SNRPA1: variants seen among roughly 807,000 people sequenced by gnomAD.
SNRPA1 encodes the protein U2 small nuclear ribonucleoprotein A'.
A neutral mutation model predicts 32.3 loss-of-function variants in SNRPA1; 5 were observed. The observed-to-expected ratio is 0.15, with a 90% confidence interval of 0.08 to 0.33. SNRPA1 has a LOEUF of 0.33. Among genes scored for constraint, SNRPA1 ranks in the 10% least tolerant of loss-of-function variants. The pLI is 1.00. For synonymous variants in SNRPA1, 111 were observed against 120.1 expected, an observed-to-expected ratio of 0.92 and a Z score of 0.50; for missense variants, 198 against 311.1, an observed-to-expected ratio of 0.64 and a Z score of 2.74.
intron 8 of SNRPA1, among the ~76,000 whole-genome samples, chr15:101,282,316 T>C (rs916679334): frequency 1.3e-5 from 2 of 152,254 alleles, no homozygotes; most frequent in African/African-American, 2.4e-5. Flanking sequence ...TGGGAAACAA[T>C]TGTTATTGTT....
intron 8 of SNRPA1, 69 bp from the exon 9 acceptor site, chr15:101,281,851 T>G: frequency 6.9e-7 from 1 of 1,451,882 alleles, no homozygotes; most frequent in Non-Finnish European, 9.7e-7. Flanking sequence ...ATGCAAGTGT[T>G]TGTTCTGTGG....
chr15:101,288,532 G>C (rs1353933867), intron 3 of SNRPA1: 1 of 152,348 alleles, frequency 6.6e-6, no homozygotes, highest in East Asian at 1.9e-4. Flanking sequence ...ACAGGCGTGA[G>C]CCACCACGCC....
rs1483894056 is a variant in SNRPA1 at position 101,286,202 on chromosome 15, T to C, written c.539+12A>G. On this transcript the variant is annotated intron_variant, in intron 6 of 8. Transcript: ENST00000254193. ...AGGTGAAGTAGAGTTAAGTTGGATATCCGTGTCTTACGTTTTGCTTCTCCT... is the reference window on the plus strand; with the variant it reads ...AGGTGAAGTAGAGTTAAGTTGGATACCCGTGTCTTACGTTTTGCTTCTCCT... 19 of 1,610,180 alleles carry C rather than the reference T, an allele frequency of 1.2e-5. No homozygotes were observed. The highest frequency in any genetic ancestry group is 1.5e-5 in the Non-Finnish European group (18 of 1,176,516).
chr15:101,281,562 T>G lies in SNRPA1; in HGVS notation c.*162A>C. The G allele has an allele frequency of 1.7e-6, 1 of 591,626 alleles. No individual in the cohort carries two copies. The highest frequency in any genetic ancestry group is 3.1e-6 in the Non-Finnish European group (1 of 325,840). The allele number at this position is 591,626 out of a possible 1,614,324, so 36.6% of individuals were successfully genotyped here. A position where few individuals can be genotyped will look rare whatever the true frequency, so the allele number is the denominator to read the frequency against. On this transcript the variant is annotated 3_prime_UTR_variant, in exon 9 of 9. Transcript: ENST00000254193. Reference sequence around the variant, plus strand: ...TTTATAATTTGTAGAAAATTGACATTTAGATTTCAAAACTTATATTACAAA... The same window carrying G: ...TTTATAATTTGTAGAAAATTGACATGTAGATTTCAAAACTTATATTACAAA...
intron 8 of SNRPA1, 125 bp from the exon 9 acceptor site, chr15:101,281,907 A>G: frequency 1.1e-6 from 1 of 870,250 alleles, no homozygotes; most frequent in Non-Finnish European, 1.9e-6. Flanking sequence ...GATCAAAAGC[A>G]GCACCTGCCT....
chr15:101,285,174 C>A, intron 7 of SNRPA1, 114 bp from the exon 8 acceptor site: 1 of 703,976 alleles, frequency 1.4e-6, no homozygotes, highest in Non-Finnish European at 2.5e-6. Context: ...CCATCAGGAA[C>A]ATTAAATACT....
intron 3 of SNRPA1, 196 bp from the exon 4 acceptor site, chr15:101,287,898 C>T (rs2039473698): frequency 5.5e-6 from 3 of 543,854 alleles, no homozygotes; most frequent in Non-Finnish European, 1.0e-5. Context: ...TTCTTAAAAT[C>T]TTGGCATTAA....
chr15:101,285,376 C>T (rs111561220), intron 7 of SNRPA1, among the ~76,000 whole-genome samples: 4 of 152,250 alleles, frequency 2.6e-5, no homozygotes, highest in African/African-American at 4.8e-5. Flanking sequence ...TATTATAAAA[C>T]GAGGGTCCCT....
At chr15:101,291,852 C>A (rs1046812151) in intron 3 of SNRPA1, 110 bp downstream of exon 3, 2 of 647,022 alleles carry the variant, frequency 3.1e-6, no homozygotes, top group African/African-American at 1.9e-5. Flanking sequence ...AAGAAAAAGA[C>A]AAGAAAGAGG....
At chr15:101,284,929 A>C (rs2039438283) in intron 8 of SNRPA1, 38 bp downstream of exon 8, 1 of 1,474,932 alleles carries the variant, frequency 6.8e-7, no homozygotes. Flanking sequence ...TCTGAGTGTA[A>C]CATTAATTTG....
rs373775918 is a variant in SNRPA1 at position 101,281,686 on chromosome 15, T to C, written c.*38A>G. 2.7e-6 allele frequency: 4 copies of C among 1,495,742 alleles called. No homozygotes were observed. The highest frequency in any genetic ancestry group is 2.7e-5 in the African/African-American group (2 of 72,738). The allele number at this position is 1,495,742 out of a possible 1,614,324, so 92.7% of individuals were successfully genotyped here. On this transcript the variant is annotated 3_prime_UTR_variant, in exon 9 of 9. Transcript: ENST00000254193. ...TACCATGTTCGAAAAGCAAGACTTG[T>C]TCCAAGAGGGCCTATTATTATACAT...
chr15:101,286,116 CAG>C (rs2039451828), intron 6 of SNRPA1, 96 bp downstream of exon 6: 1 of 956,632 alleles, frequency 1.0e-6, no homozygotes, highest in African/African-American at 1.6e-5. Flanking sequence ...ATTAATATGT[CAG>C]AGTTTTTGGT....
chr15:101,284,035 C>A (rs191220950), intron 8 of SNRPA1, among the ~76,000 whole-genome samples: 4 of 152,344 alleles, frequency 2.6e-5, no homozygotes, highest in Admixed American at 2.6e-4. Context: ...AGTGGCTGTC[C>A]CCAGTTACAT....
chr15:101,286,185 TAG>T (rs781445830), intron 6 of SNRPA1, 27 bp downstream of exon 6: 3 of 1,576,610 alleles, frequency 1.9e-6, no homozygotes, highest in African/African-American at 2.7e-5. Flanking sequence ...GAAGGTGAAG[TAG>T]AGTTAAGTTG....
In SNRPA1 at chr15:101,295,151, C is replaced by T. The variant is rs1390475867; in HGVS notation, c.28G>A (p.Glu10Lys). 2 of 1,558,234 alleles carry T rather than the reference C, an allele frequency of 1.3e-6. No individual in the cohort carries two copies. The highest frequency in any genetic ancestry group is 1.7e-6 in the Non-Finnish European group (2 of 1,156,610). The change falls in exon 1 of 9, where the codon GAG (glutamate) becomes AAG (lysine). Residue 10 changes from glutamate to lysine, a missense_variant. Glu to Lys is a moderately conservative substitution (Grantham distance 56). Around this residue, in one of 3 missense-constraint regions of SNRPA1, gnomAD observed 119 missense variants for 171.6 expected, o/e 0.69. Coordinates refer to ENST00000254193, the MANE Select transcript of SNRPA1 (RefSeq NM_003090.4). Reference sequence around the variant, plus strand: ...GCGTTGGTGTACTGCGCCGCCTGCTCGATCAGCTCCGCCGTCAGCTTGACC... The same window carrying T: ...GCGTTGGTGTACTGCGCCGCCTGCTTGATCAGCTCCGCCGTCAGCTTGACC... MVKLTAELI[E>K]QAAQYTNAVR...
At chr15:101,285,666 G>C (rs889765506) in intron 7 of SNRPA1, 60 bp downstream of exon 7, 3 of 1,101,268 alleles carry the variant, frequency 2.7e-6, no homozygotes, top group Non-Finnish European at 4.2e-6. Context: ...TTATTATCCA[G>C]CTTTGTGTTC....
chr15:101,290,783 C>T (rs1339249299), intron 3 of SNRPA1, among the ~76,000 whole-genome samples: 2 of 149,524 alleles, frequency 1.3e-5, no homozygotes, highest in Non-Finnish European at 3.0e-5. Flanking sequence ...CTTTCTTTGC[C>T]CAGGCTGGAG....
chr15:101,292,968 G>GA, intron 2 of SNRPA1, 57 bp downstream of exon 2: 5 of 1,243,440 alleles, frequency 4.0e-6, no homozygotes, highest in Non-Finnish European at 5.5e-6. Context: ...ACTTCTTCAG[G>GA]AAACACTGCA....
chr15:101,287,719 A>G lies in SNRPA1; in HGVS notation c.310-17T>C, dbSNP rs766739740. ...CAGATCACCCTGTCAAGCAATAGCCACAGGTAAGAACGCGAATACCACACG... is the reference window on the plus strand; with the variant it reads ...CAGATCACCCTGTCAAGCAATAGCCGCAGGTAAGAACGCGAATACCACACG... On this transcript the variant is annotated splice_polypyrimidine_tract_variant and intron_variant, in intron 3 of 8. Transcript: ENST00000254193. The G allele has an allele frequency of 1.1e-5, 17 of 1,612,498 alleles. No homozygotes were observed. The highest frequency in any genetic ancestry group is 1.4e-5 in the Non-Finnish European group (17 of 1,178,666).
Sources: allele counts gnomAD v4.1 joint callset (sites outside exome capture counted in the v4.1 genomes callset), GRCh38; gene constraint gnomAD v4.1.1; regional missense constraint gnomAD v4.1.1; transcripts MANE v1.5; gene names NCBI Gene and HGNC (gene_info 2026-07-23, HGNC 2026-07-21).